CNMD: variants seen among roughly 807,000 people sequenced by gnomAD.
CNMD encodes leukocyte cell-derived chemotaxin 1.
A neutral mutation model predicts 37.5 loss-of-function variants in CNMD; 30 were observed. That is an observed-to-expected ratio of 0.80 (90% CI 0.60 to 1.09). The LOEUF (loss-of-function observed/expected upper bound fraction) is 1.09, where lower values mean the gene tolerates loss of function less well. Ranked by LOEUF, CNMD falls within the 50% of genes least tolerant of loss-of-function variation. CNMD has a pLI of 0.00. For synonymous variants in CNMD, 167 were observed against 148.2 expected (o/e 1.13, Z -0.92); for missense variants, 398 against 423.9 (o/e 0.94, Z 0.54).
At chr13:52,707,946 A>G (rs1419204981) in intron 6 of CNMD, among the ~76,000 whole-genome samples, 1 of 144,728 alleles carries the variant, frequency 6.9e-6, no homozygotes, top group East Asian at 2.0e-4. Context: ...TGTCTCTACT[A>G]AAAAAAAAAA....
intron 3 of CNMD, 84 bp downstream of exon 3, chr13:52,733,135 G>T: frequency 7.3e-7 from 1 of 1,366,472 alleles, no homozygotes; most frequent in Non-Finnish European, 1.0e-6. Flanking sequence ...TTGGATGTGT[G>T]TGAGAAACGC....
intron 4 of CNMD, among the ~76,000 whole-genome samples, chr13:52,717,636 G>A (rs1387330700): frequency 6.6e-6 from 1 of 152,134 alleles, no homozygotes; most frequent in African/African-American, 2.4e-5. Context: ...TTAGGTAATG[G>A]ATTATGTTGA....
chr13:52,703,619 C>T lies in CNMD; in HGVS notation c.981G>A (p.Val327=). The change falls in exon 7 of 7, where the codon GTG becomes GTA. Residue 327 remains valine (V), a synonymous_variant. Transcript: ENST00000377962. ...CRVIMPCSWW[V]ARILGMV is the part of the protein sequence containing the mutation. ...TTCACACCATGCCCAAGATACGGGC[C>T]ACCCACCAGCTACATGGCATGATGA... 1 of 1,612,642 alleles carries T rather than the reference C, an allele frequency of 6.2e-7. No individual in the cohort carries two copies. Among genetic ancestry groups the T allele is most frequent in the Non-Finnish European group, 8.5e-7 (1 of 1,178,994 alleles).
intron 4 of CNMD, among the ~76,000 whole-genome samples, chr13:52,719,678 A>C (rs1010457830): frequency 6.6e-6 from 1 of 152,144 alleles, no homozygotes; most frequent in Non-Finnish European, 1.5e-5. Context: ...GCTTGTAGGG[A>C]TTCTGCCAAG....
At position 52,703,766 on chromosome 13, in the gene CNMD, G is replaced by A. The variant is rs1964129181; in HGVS notation, c.834C>T (p.His278=). Residue 278 remains histidine (H), a synonymous_variant, in exon 7 of 7, where the codon CAC becomes CAT. Coordinates refer to ENST00000377962, the MANE Select transcript of CNMD (RefSeq NM_007015.3). ...ESMTFDPRLD[H]EGICCIECRR... is the part of the protein sequence containing the mutation. ...TACATTCTATACAACAGATTCCTTC[G>A]TGATCCAGTCTAGGGTCGAATGTCA... is the stretch of plus-strand genomic sequence containing the variant. 1.2e-6 allele frequency: 2 copies of A among 1,614,042 alleles called. No homozygotes were observed. The highest frequency in any genetic ancestry group is 2.7e-5 in the African/African-American group (2 of 75,026).
chr13:52,715,451 A>G (rs1306684309), intron 4 of CNMD, among the ~76,000 whole-genome samples: 3 of 152,270 alleles, frequency 2.0e-5, no homozygotes, highest in South Asian at 4.1e-4. Context: ...TGCTGCATGC[A>G]TCAACTCGTC....
intron 2 of CNMD, among the ~76,000 whole-genome samples, chr13:52,735,001 C>T (rs1964731311): frequency 6.6e-6 from 1 of 152,154 alleles, no homozygotes; most frequent in African/African-American, 2.4e-5. Context: ...TCAGCTCAAC[C>T]ATCCCTCATT....
intron 4 of CNMD, among the ~76,000 whole-genome samples, chr13:52,716,998 T>A (rs1375190110): frequency 2.6e-5 from 4 of 152,212 alleles, no homozygotes; most frequent in Non-Finnish European, 4.4e-5. Context: ...TGTTTTTCCA[T>A]GCGTTTGTGT....
At chr13:52,712,976 A>G (rs1964315728) in intron 4 of CNMD, 107 bp from the exon 5 acceptor site, 1 of 810,026 alleles carries the variant, frequency 1.2e-6, no homozygotes, top group South Asian at 2.3e-5. Context: ...AATTAATGAG[A>G]ATTCCGAGCA....
At chr13:52,720,085 A>G (rs1013967227) in intron 4 of CNMD, among the ~76,000 whole-genome samples, 1 of 152,202 alleles carries the variant, frequency 6.6e-6, no homozygotes, top group Non-Finnish European at 1.5e-5. Flanking sequence ...TTGATCTTCA[A>G]TCTTGGATAT....
rs532987481 is a variant in CNMD, at chr13:52,728,109, C to A, written c.355-3999G>T. Among the ~76,000 whole-genome samples, 32 of 152,190 alleles carry A rather than the reference C, an allele frequency of 2.1e-4. No homozygotes were observed. The South Asian group carries it at 6.6e-3, about 32-fold the overall frequency. On this transcript the variant is annotated intron_variant, in intron 3 of 6. Transcript: ENST00000377962. ...AAGGCAAATTAAAAAATCACCTGGG[C>A]CAGGGCGGTGGCTCACGCCTGTAAT...
At chr13:52,730,943 A>G (rs1167956584) in intron 3 of CNMD, among the ~76,000 whole-genome samples, 2 of 152,028 alleles carry the variant, frequency 1.3e-5, no homozygotes, top group Non-Finnish European at 2.9e-5. Flanking sequence ...TACAATTCAA[A>G]ACCTTTTATA....
At chr13:52,721,876 G>A (rs1964489363) in intron 4 of CNMD, among the ~76,000 whole-genome samples, 1 of 152,208 alleles carries the variant, frequency 6.6e-6, no homozygotes, top group Non-Finnish European at 1.5e-5. Context: ...GTCAGCCATT[G>A]TTGGGGAATT....
intron 4 of CNMD, among the ~76,000 whole-genome samples, chr13:52,713,339 G>A (rs956511005): frequency 6.6e-5 from 10 of 152,268 alleles, no homozygotes; most frequent in Middle Eastern, 3.4e-3. Flanking sequence ...TCAGTTCAAA[G>A]TATTATTTAA....
intron 5 of CNMD, among the ~76,000 whole-genome samples, chr13:52,712,379 T>TA (rs202129592): frequency 0.017 from 2,584 of 151,836 alleles, 73 homozygotes; most frequent in African/African-American, 0.059. Context: ...GCCTTAGAAA[T>TA]AAAAAAAATG....
rs552540063 is a variant in CNMD at position 52,731,085 on chromosome 13, C to A, written c.354+2134G>T. 2.0e-5 allele frequency among the ~76,000 whole-genome samples: 3 copies of A among 152,254 alleles called. No homozygotes were observed. In the East Asian group the frequency reaches 5.8e-4, roughly 29 times the overall value. ...TTTTTCCCTGGGCCTGGAGAGCCTT[C>A]CCCTACCTGTCTGACAGTTGAAATC... On this transcript the variant is annotated intron_variant, in intron 3 of 6. Coordinates refer to ENST00000377962, the MANE Select transcript of CNMD (RefSeq NM_007015.3).
Position 52,731,520 on chromosome 13 carries a change from G to C in CNMD, c.354+1699C>G, listed in dbSNP as rs144709066. 5.5e-3 allele frequency among the ~76,000 whole-genome samples: 839 copies of C among 152,290 alleles called. 4 individuals are homozygous for C. Among genetic ancestry groups the C allele is most frequent in the Middle Eastern group, 6.8e-3 (2 of 294 alleles). On this transcript the variant is annotated intron_variant, in intron 3 of 6. Coordinates refer to ENST00000377962, the MANE Select transcript of CNMD (RefSeq NM_007015.3). ...TTCTACTCACCAGTTCTGACTTAGA[G>C]AAATGTGGAAGCTATCAAAGAGAAT... is the stretch of plus-strand genomic sequence containing the variant.
At chr13:52,726,262 A>G (rs1257557217) in intron 3 of CNMD, among the ~76,000 whole-genome samples, 1 of 152,212 alleles carries the variant, frequency 6.6e-6, no homozygotes, top group Non-Finnish European at 1.5e-5. Flanking sequence ...CCAGGTGTTT[A>G]TAATTTAAAG....
In CNMD at chr13:52,739,234, G is replaced by T; in HGVS notation, c.73-63C>A. On this transcript the variant is annotated intron_variant, in intron 1 of 6. Transcript: ENST00000377962. This position sits in a 1 kb window ranked among gnomAD's most constrained non-coding sequence, Gnocchi z 5.4. ...GCCGCCAGCACCTGCGGCCCCCAGC[G>T]CACCCGGGCCCCACGCGGTAGCCCC... 1 of 1,408,564 alleles carries T rather than the reference G, an allele frequency of 7.1e-7. No homozygotes were observed. The highest frequency in any genetic ancestry group is 9.2e-7 in the Non-Finnish European group (1 of 1,084,860). The allele number at this position is 1,408,564 out of a possible 1,614,324, so 87.3% of individuals were successfully genotyped here. A position where few individuals can be genotyped will look rare whatever the true frequency, so the allele number is the denominator to read the frequency against.
Sources: allele counts gnomAD v4.1 joint callset (sites outside exome capture counted in the v4.1 genomes callset), GRCh38; gene constraint gnomAD v4.1.1; non-coding constraint Gnocchi (gnomAD v3.1); transcripts MANE v1.5; gene names NCBI Gene and HGNC (gene_info 2026-07-23, HGNC 2026-07-21).